Variants in RNF13 observed in about 807,000 individuals in gnomAD.
The protein encoded by RNF13 is E3 ubiquitin-protein ligase RNF13.
RNF13 carries 19 observed loss-of-function variants against 37.7 expected under a neutral mutation model. The observed-to-expected ratio is 0.50, with a 90% CI of 0.35 to 0.74. The LOEUF is 0.74. Ranked by LOEUF, RNF13 falls within the 30% of genes least tolerant of loss-of-function variation. The probability of loss-of-function intolerance (pLI) is 0.01; values close to 1 mark genes in which losing one functional copy is unlikely to be tolerated. For synonymous variants in RNF13, 144 were observed against 157.8 expected (o/e 0.91, Z 0.65); for missense variants, 375 against 453.0 (o/e 0.83, Z 1.56).
chr3:149,861,331 C>G (rs190473568), intron 3 of RNF13, among the ~76,000 whole-genome samples: 3 of 152,162 alleles, frequency 2.0e-5, no homozygotes, highest in Admixed American at 2.0e-4. Context: ...CCTGCACTTG[C>G]ATGTTTATTA....
chr3:149,851,528 A>G (rs539800785), intron 2 of RNF13: 10 of 152,276 alleles, frequency 6.6e-5, no homozygotes, highest in Admixed American at 5.9e-4. Flanking sequence ...GGTTTACTTG[A>G]TCCTTCCATC....
chr3:149,880,469 ATAGTT>A (rs1713259190), intron 4 of RNF13, among the ~76,000 whole-genome samples: 2 of 152,150 alleles, frequency 1.3e-5, no homozygotes, highest in Non-Finnish European at 2.9e-5. Context: ...TTTAACTAGT[ATAGTT>A]TATTTTAACT....
At chr3:149,960,264 C>T (rs766392093) in intron 9 of RNF13, 128 bp downstream of exon 9, 1 of 648,300 alleles carries the variant, frequency 1.5e-6, no homozygotes, top group Non-Finnish European at 2.7e-6. Flanking sequence ...AATTAGTGGT[C>T]TCATTCAAGG....
chr3:149,936,269 A>G (rs932147750), intron 8 of RNF13, among the ~76,000 whole-genome samples: 2 of 151,940 alleles, frequency 1.3e-5, no homozygotes, highest in Non-Finnish European at 2.9e-5. Context: ...CTGGATATTT[A>G]TCTTTCTATA....
chr3:149,889,790 G>A (rs372078371), intron 4 of RNF13, among the ~76,000 whole-genome samples: 4 of 151,872 alleles, frequency 2.6e-5, no homozygotes, highest in African/African-American at 9.7e-5. Context: ...GAGTAGCTAG[G>A]ACTACAGGCG....
chr3:149,956,351 G>A (rs143730254), intron 8 of RNF13, among the ~76,000 whole-genome samples: 1 of 152,262 alleles, frequency 6.6e-6, no homozygotes, highest in African/African-American at 2.4e-5. Context: ...CAGATAAAAG[G>A]TTCCAGGATC....
Position 149,912,088 on chromosome 3 carries a change from G to A in RNF13, c.606+5G>A, listed in dbSNP as rs1199185398. 7.3e-7 allele frequency: 1 copy of A among 1,371,966 alleles called. No individual in the cohort carries two copies. Among genetic ancestry groups the A allele is most frequent in the Non-Finnish European group, 1.0e-6 (1 of 970,552 alleles). 85.0% of individuals were successfully genotyped at this position (1,371,966 alleles called of 1,614,324 possible). A position where few individuals can be genotyped will look rare whatever the true frequency, so the allele number is the denominator to read the frequency against. On this transcript the variant is annotated splice_donor_5th_base_variant and intron_variant, in intron 7 of 9. Coordinates refer to ENST00000392894, the MANE Select transcript of RNF13 (RefSeq NM_183381.3). ...ATCTTGATAGTCATTTTCATGGTAG[G>A]TACATTAACTTTTAATAATTTTTAA...
At chr3:149,906,798 T>G (rs1716458991) in intron 6 of RNF13, among the ~76,000 whole-genome samples, 1 of 151,752 alleles carries the variant, frequency 6.6e-6, no homozygotes, top group South Asian at 2.1e-4. Flanking sequence ...ACCCCAGGCA[T>G]GCACCACCTT....
chr3:149,899,724 T>C (rs1715628430), intron 5 of RNF13, among the ~76,000 whole-genome samples: 2 of 152,138 alleles, frequency 1.3e-5, no homozygotes, highest in African/African-American at 4.8e-5. Context: ...GGATTTGGTA[T>C]AGGGAGTAAG....
At chr3:149,832,448 A>T (rs1252894857) in intron 1 of RNF13, among the ~76,000 whole-genome samples, 1 of 152,196 alleles carries the variant, frequency 6.6e-6, no homozygotes, top group African/African-American at 2.4e-5. Context: ...ATTTACTGTG[A>T]TGCTTGGGAA....
intron 8 of RNF13, chr3:149,938,945 T>C: frequency 2.5e-6 from 1 of 392,182 alleles, no homozygotes; most frequent in Non-Finnish European, 4.8e-6. Context: ...GTTACAGAAA[T>C]GAAATAAAAT....
At chr3:149,875,879 G>A (rs1458261089) in intron 4 of RNF13, among the ~76,000 whole-genome samples, 2 of 1,934 alleles carry the variant, frequency 1.0e-3, no homozygotes, top group Non-Finnish European at 1.7e-3. Context: ...TTTGTATGAT[G>A]CTGTTCTTTA....
chr3:149,838,550 G>A (rs1007435873), intron 1 of RNF13, among the ~76,000 whole-genome samples: 1 of 152,184 alleles, frequency 6.6e-6, no homozygotes, highest in African/African-American at 2.4e-5. Flanking sequence ...AAGGCTTGGG[G>A]CTTGCATCCT....
At chr3:149,857,098 T>C (rs1004290574) in intron 3 of RNF13, among the ~76,000 whole-genome samples, 32 of 152,336 alleles carry the variant, frequency 2.1e-4, no homozygotes, top group African/African-American at 5.8e-4. Context: ...GAGATAGTTT[T>C]TGTAGGTCTA....
intron 8 of RNF13, among the ~76,000 whole-genome samples, chr3:149,953,725 T>C (rs1324239929): frequency 6.6e-6 from 1 of 152,158 alleles, no homozygotes; most frequent in East Asian, 1.9e-4. Flanking sequence ...GGATCCCCCA[T>C]TTATTGGCTG....
At chr3:149,862,655 C>T (rs1724378481) in intron 3 of RNF13, among the ~76,000 whole-genome samples, 1 of 152,082 alleles carries the variant, frequency 6.6e-6, no homozygotes, top group South Asian at 2.1e-4. Context: ...GAATATGCCA[C>T]AATTTATTTT....
At chr3:149,853,455 GGAGAGAGAGAGAGA>G (rs397842025) in intron 3 of RNF13, among the ~76,000 whole-genome samples, 1,584 of 117,308 alleles carry the variant, frequency 0.014, 10 homozygotes, top group African/African-American at 0.022. Flanking sequence ...AGAGAGAGAG[GGAGAGAGAGAGAGA>G]GAGAGAGAGA....
intron 7 of RNF13, among the ~76,000 whole-genome samples, chr3:149,920,790 C>CTTTT (rs34551883): frequency 1.9e-4 from 24 of 124,028 alleles, no homozygotes; most frequent in African/African-American, 6.7e-4. Flanking sequence ...CCTTCCCATT[C>CTTTT]TTTTTTTTTT....
intron 1 of RNF13, among the ~76,000 whole-genome samples, chr3:149,837,213 C>T (rs1053888114): frequency 1.3e-5 from 2 of 152,176 alleles, no homozygotes; most frequent in African/African-American, 4.8e-5. Context: ...AATAATTTTT[C>T]ATGCATTTAG....
Sources: allele counts gnomAD v4.1 joint callset (sites outside exome capture counted in the v4.1 genomes callset), GRCh38; gene constraint gnomAD v4.1.1; transcripts MANE v1.5; gene names NCBI Gene and HGNC (gene_info 2026-07-23, HGNC 2026-07-21).